MAP3K5: variants seen among roughly 807,000 people sequenced by gnomAD.
MAP3K5 encodes the protein mitogen-activated protein kinase kinase kinase 5, also known as ASK-1.
Under a neutral mutation model 158.7 loss-of-function variants are expected in MAP3K5, and 56 were observed. That is an observed-to-expected ratio of 0.35 (90% CI 0.28 to 0.44). The LOEUF (loss-of-function observed/expected upper bound fraction) is 0.44, where lower values mean the gene tolerates loss of function less well. Ranked by LOEUF, MAP3K5 falls within the 20% of genes least tolerant of loss-of-function variation. The pLI, the probability that MAP3K5 is intolerant of heterozygous loss-of-function variation, is 1.00. For synonymous variants in MAP3K5, 579 were observed against 601.7 expected (o/e 0.96, Z 0.55); for missense variants, 1,294 against 1,674.8 (o/e 0.77, Z 3.97).
At chr6:136,764,364 A>G (rs574357069) in intron 1 of MAP3K5, among the ~76,000 whole-genome samples, 91 of 152,326 alleles carry the variant, frequency 6.0e-4, no homozygotes, top group Non-Finnish European at 1.0e-3. Flanking sequence ...TTCTTCTTGG[A>G]ACATTCACTC....
intron 1 of MAP3K5, among the ~76,000 whole-genome samples, chr6:136,755,572 C>T (rs1222407495): frequency 6.6e-6 from 1 of 151,474 alleles, no homozygotes; most frequent in African/African-American, 2.4e-5. Flanking sequence ...AAATAATTAG[C>T]TGGGCATGGT....
At chr6:136,772,103 G>T (rs544081111) in intron 1 of MAP3K5, among the ~76,000 whole-genome samples, 1 of 144,652 alleles carries the variant, frequency 6.9e-6, no homozygotes, top group East Asian at 2.2e-4. Context: ...AGAAATGGGG[G>T]GGGGGGGTTT....
intron 14 of MAP3K5, among the ~76,000 whole-genome samples, chr6:136,632,805 C>T (rs1207897726): frequency 6.6e-6 from 1 of 152,038 alleles, no homozygotes; most frequent in East Asian, 1.9e-4. Flanking sequence ...GGAAGAAGAA[C>T]AATGGAGACC....
At chr6:136,748,158 C>T (rs1444669609) in intron 1 of MAP3K5, among the ~76,000 whole-genome samples, 1 of 152,156 alleles carries the variant, frequency 6.6e-6, no homozygotes, top group Non-Finnish European at 1.5e-5. Context: ...ACAATATTAT[C>T]CATTTCACAT....
intron 1 of MAP3K5, among the ~76,000 whole-genome samples, chr6:136,729,564 C>T (rs535594041): frequency 4.9e-4 from 74 of 152,290 alleles, no homozygotes; most frequent in African/African-American, 1.7e-3. Context: ...CTCAACACCT[C>T]CTGATAAAGC....
Position 136,639,601 on chromosome 6 carries a change from C to A in MAP3K5, c.1876G>T (p.Val626Leu), listed in dbSNP as rs761462059. 1 of 1,598,544 alleles carries A rather than the reference C, an allele frequency of 6.3e-7. No individual in the cohort carries two copies. Among genetic ancestry groups the A allele is most frequent in the South Asian group, 1.1e-5 (1 of 87,458 alleles). The change falls in exon 13 of 30, where the codon GTG becomes TTG. Residue 626 changes from valine to leucine, a missense_variant. Physicochemically the swap from Val to Leu is conservative, Grantham distance 32. Transcript: ENST00000359015. ...KFEERCCFLY[V>L]LHNSDDFQIY... Reference sequence around the variant, plus strand: ...TGGAAATCATCAGAATTGTGAAGCACATAAAGAAAGCAGCATCTTTCTTCA... The same window carrying A: ...TGGAAATCATCAGAATTGTGAAGCAAATAAAGAAAGCAGCATCTTTCTTCA...
chr6:136,664,442 C>T (rs1382233741), intron 8 of MAP3K5, among the ~76,000 whole-genome samples: 4 of 152,040 alleles, frequency 2.6e-5, no homozygotes, highest in East Asian at 3.9e-4. Context: ...CCTGAACCAC[C>T]CCCCACCCCT....
intron 1 of MAP3K5, among the ~76,000 whole-genome samples, chr6:136,785,037 C>T (rs906343597): frequency 2.6e-5 from 4 of 152,198 alleles, no homozygotes; most frequent in Admixed American, 1.3e-4. Context: ...TTAGGACATA[C>T]AGACTTTACT....
At chr6:136,781,831 G>A (rs1562702238) in intron 1 of MAP3K5, among the ~76,000 whole-genome samples, 1 of 152,174 alleles carries the variant, frequency 6.6e-6, no homozygotes, top group Non-Finnish European at 1.5e-5. Context: ...CCCCTGGACA[G>A]CAGAAATAGC....
At chr6:136,791,673 C>G (rs1406268357) in intron 1 of MAP3K5, 37 bp downstream of exon 1, 6 of 1,607,810 alleles carry the variant, frequency 3.7e-6, no homozygotes, top group East Asian at 4.5e-5. Context: ...AACGCGGGTC[C>G]CGACCGCGCG....
Position 136,602,049 on chromosome 6 carries a change from C to T in MAP3K5, c.2680-70G>A, listed in dbSNP as rs570591615. ...ATCTCAGCACCTGAACTCCAGCTTC[C>T]ATAACTTGACCCCCCAATGCAACAA... On this transcript the variant is annotated intron_variant, in intron 19 of 29. Coordinates refer to ENST00000359015, the MANE Select transcript of MAP3K5 (RefSeq NM_005923.4). The T allele has an allele frequency of 5.6e-6, 7 of 1,244,792 alleles. No homozygotes were observed. In the East Asian group the frequency reaches 1.7e-4, roughly 29 times the overall value. 77.1% of individuals were successfully genotyped at this position (1,244,792 alleles called of 1,614,324 possible). A position where few individuals can be genotyped will look rare whatever the true frequency, so the allele number is the denominator to read the frequency against.
At chr6:136,728,709 T>C (rs1447542359) in intron 1 of MAP3K5, among the ~76,000 whole-genome samples, 2 of 152,366 alleles carry the variant, frequency 1.3e-5, no homozygotes, top group African/African-American at 2.4e-5. Flanking sequence ...CATTCTCATA[T>C]TGCCAAAGCA....
chr6:136,666,872 A>C (rs1779251171), intron 8 of MAP3K5, among the ~76,000 whole-genome samples: 1 of 152,222 alleles, frequency 6.6e-6, no homozygotes, highest in East Asian at 1.9e-4. Flanking sequence ...GCCATATTTT[A>C]AGTCTGTATA....
intron 1 of MAP3K5, among the ~76,000 whole-genome samples, chr6:136,730,064 C>A (rs1307203973): frequency 1.3e-5 from 2 of 152,152 alleles, no homozygotes; most frequent in Non-Finnish European, 2.9e-5. Flanking sequence ...CCTCCAACTA[C>A]TGGGCTGAAG....
At chr6:136,656,884 C>T (rs1778776419) in intron 9 of MAP3K5, among the ~76,000 whole-genome samples, 3 of 152,240 alleles carry the variant, frequency 2.0e-5, no homozygotes, top group East Asian at 1.9e-4. Context: ...GGCCTCCCAA[C>T]GTGCTGGGAT....
chr6:136,716,435 C>G (rs1477670404), intron 2 of MAP3K5, among the ~76,000 whole-genome samples: 3 of 152,024 alleles, frequency 2.0e-5, no homozygotes, highest in African/African-American at 7.2e-5. Context: ...TGGGGAGTGG[C>G]CCAGAACATA....
intron 7 of MAP3K5, among the ~76,000 whole-genome samples, chr6:136,678,941 A>T (rs528618649): frequency 9.9e-5 from 15 of 151,952 alleles, no homozygotes; most frequent in Non-Finnish European, 2.1e-4. Flanking sequence ...GGCCAGACTG[A>T]TCTCAAACTC....
rs117382833 is a variant in MAP3K5, at chr6:136,726,949, C to T, written c.449-6360G>A. Among the ~76,000 whole-genome samples, 326 of 151,992 alleles carry T rather than the reference C, an allele frequency of 2.1e-3. 6 individuals carry two copies. In the South Asian group the frequency reaches 0.032, roughly 15 times the overall value. On this transcript the variant is annotated intron_variant, in intron 1 of 29. Coordinates refer to ENST00000359015, the MANE Select transcript of MAP3K5 (RefSeq NM_005923.4). ...AGAAGGGATTTTGTTTTTTCCCTTCCGATTTGTATGCCTTTTGTTTTTTGT... is the reference window on the plus strand; with the variant it reads ...AGAAGGGATTTTGTTTTTTCCCTTCTGATTTGTATGCCTTTTGTTTTTTGT...
At chr6:136,638,670 T>C (rs550966230) in intron 13 of MAP3K5, among the ~76,000 whole-genome samples, 50 of 152,256 alleles carry the variant, frequency 3.3e-4, no homozygotes, top group African/African-American at 1.0e-3. Context: ...GTGTTTTTTT[T>C]TCCCCCACCA....
Sources: allele counts gnomAD v4.1 joint callset (sites outside exome capture counted in the v4.1 genomes callset), GRCh38; gene constraint gnomAD v4.1.1; transcripts MANE v1.5; gene names NCBI Gene and HGNC (gene_info 2026-07-23, HGNC 2026-07-21).